Variants in CEP112 observed in about 807,000 individuals in gnomAD.
CEP112 encodes the protein centrosomal protein 112, also known as centrosomal protein of 112 kDa.
A neutral mutation model predicts 153.0 loss-of-function variants in CEP112; 127 were observed. The observed-to-expected ratio is 0.83, with a 90% confidence interval of 0.72 to 0.96. The LOEUF is 0.96. CEP112 is among the 40% of genes least tolerant of loss of function. The pLI is 0.00. For synonymous variants in CEP112, 358 were observed against 374.4 expected (o/e 0.96, Z 0.51); for missense variants, 1,089 against 1,101.2 (o/e 0.99, Z 0.16).
chr17:65,722,290 C>T (rs1323836049), intron 23 of CEP112, among the ~76,000 whole-genome samples: 1 of 152,074 alleles, frequency 6.6e-6, no homozygotes, highest in Non-Finnish European at 1.5e-5. Context: ...CCTTTGTTGC[C>T]CAGGCTGGAG....
At chr17:66,056,663 A>T (rs1271112574) in intron 11 of CEP112, among the ~76,000 whole-genome samples, 1 of 152,240 alleles carries the variant, frequency 6.6e-6, no homozygotes. Flanking sequence ...TATTGTATTT[A>T]TATGAGATAT....
At position 65,645,816 on chromosome 17, in the gene CEP112, C is replaced by T. The variant is rs567760083; in HGVS notation, c.2698-4751G>A. ...ATCCAGCAAAGATCATATGCTAGTT[C>T]CTTTTTCTAAAAGAAAAATTACACC... On this transcript the variant is annotated intron_variant, in intron 24 of 26. Coordinates refer to ENST00000535342, the MANE Select transcript of CEP112 (RefSeq NM_001199165.4). 6.8e-4 allele frequency among the ~76,000 whole-genome samples: 104 copies of T among 152,302 alleles called. 1 individual carries two copies. The South Asian group carries it at 0.011, about 16-fold the overall frequency.
At chr17:66,128,573 T>C (rs1329481631) in intron 6 of CEP112, among the ~76,000 whole-genome samples, 1 of 152,186 alleles carries the variant, frequency 6.6e-6, no homozygotes, top group African/African-American at 2.4e-5. Flanking sequence ...CAACTGATAC[T>C]GCTGGTTGAA....
chr17:65,746,545 T>C (rs2051481427), intron 22 of CEP112, among the ~76,000 whole-genome samples: 1 of 152,138 alleles, frequency 6.6e-6, no homozygotes, highest in Admixed American at 6.5e-5. Flanking sequence ...ATAATCATAA[T>C]AATCAGATTA....
intron 4 of CEP112, among the ~76,000 whole-genome samples, chr17:66,142,925 T>C (rs1034243105): frequency 3.3e-5 from 5 of 152,208 alleles, no homozygotes; most frequent in African/African-American, 9.7e-5. Context: ...AAATTGTAGA[T>C]TGCTTTGTGT....
chr17:65,755,779 G>A (rs757800559), intron 21 of CEP112, among the ~76,000 whole-genome samples: 9 of 151,896 alleles, frequency 5.9e-5, no homozygotes, highest in Admixed American at 2.0e-4. Flanking sequence ...AAAGTTACAG[G>A]TGAAATAGGG....
intron 24 of CEP112, chr17:65,644,439 T>C (rs549767262): frequency 8.8e-4 from 406 of 463,862 alleles, no homozygotes; most frequent in Non-Finnish European, 1.5e-3. Flanking sequence ...GTTGCATTTA[T>C]AATGCAGTCC....
chr17:65,784,370 C>T (rs2054159704), intron 21 of CEP112, among the ~76,000 whole-genome samples: 1 of 152,210 alleles, frequency 6.6e-6, no homozygotes, highest in Non-Finnish European at 1.5e-5. Flanking sequence ...ATTCTGGTTA[C>T]TCTTTCTTAT....
At chr17:65,652,525 A>G (rs1344480482) in intron 24 of CEP112, among the ~76,000 whole-genome samples, 1 of 152,058 alleles carries the variant, frequency 6.6e-6, no homozygotes, top group Non-Finnish European at 1.5e-5. Context: ...ATTTATATAT[A>G]TATTCCATTT....
chr17:65,759,192 C>A (rs1044930601), intron 21 of CEP112, among the ~76,000 whole-genome samples: 5 of 152,172 alleles, frequency 3.3e-5, no homozygotes, highest in African/African-American at 4.8e-5. Flanking sequence ...AAAGGGGAGG[C>A]ATGAATAATC....
At chr17:65,682,186 GT>G (rs1412786065) in intron 24 of CEP112, among the ~76,000 whole-genome samples, 1 of 151,430 alleles carries the variant, frequency 6.6e-6, no homozygotes, top group Non-Finnish European at 1.5e-5. Flanking sequence ...TAGAGACAGG[GT>G]TTCAACATCT....
At chr17:65,857,084 A>G (rs946264329) in intron 20 of CEP112, among the ~76,000 whole-genome samples, 4 of 152,234 alleles carry the variant, frequency 2.6e-5, no homozygotes, top group African/African-American at 9.6e-5. Context: ...CCCAGTGCAT[A>G]TAAAAGTTAT....
chr17:66,078,880 T>G (rs961413609), intron 8 of CEP112, among the ~76,000 whole-genome samples: 1 of 152,306 alleles, frequency 6.6e-6, no homozygotes, highest in East Asian at 1.9e-4. Flanking sequence ...CTTTCATATA[T>G]GACGCTTAGT....
At chr17:66,016,010 T>A (rs553631408) in intron 16 of CEP112, among the ~76,000 whole-genome samples, 1 of 152,328 alleles carries the variant, frequency 6.6e-6, no homozygotes, top group Admixed American at 6.5e-5. Context: ...AAATCTGACC[T>A]AACCCAACCA....
chr17:65,653,890 C>T (rs1186541784), intron 24 of CEP112, among the ~76,000 whole-genome samples: 2 of 151,698 alleles, frequency 1.3e-5, no homozygotes, highest in Admixed American at 6.6e-5. Context: ...GAAAACCCAT[C>T]TCTACGAAAA....
At position 65,785,491 on chromosome 17, in the gene CEP112, T is replaced by A. The variant is rs148304483; in HGVS notation, c.2395-34767A>T. 1.8e-3 allele frequency among the ~76,000 whole-genome samples: 272 copies of A among 152,358 alleles called. 1 individual carries two copies. The highest frequency in any genetic ancestry group is 6.2e-3 in the African/African-American group (258 of 41,584). On this transcript the variant is annotated intron_variant, in intron 21 of 26. Coordinates refer to ENST00000535342, the MANE Select transcript of CEP112 (RefSeq NM_001199165.4). ...TTGCCAAAACTTTCGTCTGTCTTGT[T>A]GATTACATCCAGTCTAATGGGTATG...
chr17:65,918,771 A>G (rs1021103449), intron 19 of CEP112, among the ~76,000 whole-genome samples: 3 of 152,158 alleles, frequency 2.0e-5, no homozygotes, highest in African/African-American at 7.2e-5. Context: ...GCTTTACAGG[A>G]TATTTGTGTG....
At chr17:66,056,105 C>A (rs1175102665) in intron 11 of CEP112, among the ~76,000 whole-genome samples, 1 of 152,116 alleles carries the variant, frequency 6.6e-6, no homozygotes, top group Non-Finnish European at 1.5e-5. Flanking sequence ...TAGGACATAA[C>A]AATGAGTTGA....
chr17:66,066,166 C>T (rs1005833447), intron 10 of CEP112, among the ~76,000 whole-genome samples: 1 of 152,152 alleles, frequency 6.6e-6, no homozygotes, highest in African/African-American at 2.4e-5. Flanking sequence ...TAATCATAGT[C>T]AACTACGGTC....
Sources: gnomAD v4.1 joint callset for allele counts (sites outside exome capture counted in the v4.1 genomes callset) on GRCh38, gnomAD v4.1.1 for gene constraint, MANE v1.5 for transcripts, NCBI Gene and HGNC (gene_info 2026-07-23, HGNC 2026-07-21) for gene names.